LRBA: variants seen among roughly 807,000 people sequenced by gnomAD.
The protein encoded by LRBA is lipopolysaccharide-responsive and beige-like anchor protein.
Under a neutral mutation model 330.0 loss-of-function variants are expected in LRBA, and 176 were observed. The observed-to-expected ratio is 0.53, with a 90% CI of 0.47 to 0.60. LRBA has a LOEUF of 0.60. Among genes scored for constraint, LRBA ranks in the 20% least tolerant of loss-of-function variants. The pLI, the probability that LRBA is intolerant of heterozygous loss-of-function variation, is 0.00. For missense variants in LRBA, 3,259 were observed against 3,444.8 expected, an observed-to-expected ratio of 0.95 and a Z score of 1.35; for synonymous variants, 1,230 against 1,193.0, an observed-to-expected ratio of 1.03 and a Z score of -0.64.
At chr4:150,709,451 A>G (rs1296486867) in intron 36 of LRBA, among the ~76,000 whole-genome samples, 1 of 151,934 alleles carries the variant, frequency 6.6e-6, no homozygotes, top group Non-Finnish European at 1.5e-5. Context: ...GCTATTATTA[A>G]CCTATAACTC....
At chr4:150,854,018 A>G (rs961426058) in intron 22 of LRBA, among the ~76,000 whole-genome samples, 7 of 152,150 alleles carry the variant, frequency 4.6e-5, no homozygotes, top group Non-Finnish European at 8.8e-5. Flanking sequence ...ACAAAAATCA[A>G]TAGGCCTTAT....
At chr4:150,273,250 C>T (rs2126720287) in intron 56 of LRBA, among the ~76,000 whole-genome samples, 1 of 152,264 alleles carries the variant, frequency 6.6e-6, no homozygotes, top group South Asian at 2.1e-4. Flanking sequence ...CCTTTACAGA[C>T]AAGCAAGTGT....
At chr4:150,603,714 G>A (rs1183208838) in intron 37 of LRBA, among the ~76,000 whole-genome samples, 2 of 152,028 alleles carry the variant, frequency 1.3e-5, no homozygotes, top group African/African-American at 4.8e-5. Context: ...TGCCCAGGCT[G>A]GTTTCGAACT....
chr4:150,496,626 A>G (rs28373637), intron 40 of LRBA, among the ~76,000 whole-genome samples: 9,970 of 152,160 alleles, frequency 0.066, 531 homozygotes, highest in East Asian at 0.18. Context: ...AACATCAATA[A>G]AAGGTATTTT....
chr4:150,539,300 GA>G (rs1342911473), intron 40 of LRBA, among the ~76,000 whole-genome samples: 1 of 152,102 alleles, frequency 6.6e-6, no homozygotes, highest in African/African-American at 2.4e-5. Flanking sequence ...GCTGTACCAT[GA>G]ACTGGGTAAG....
At chr4:150,904,691 CTGAGGGTCATGGAAGAAAA>C (rs1731126118) in intron 13 of LRBA, among the ~76,000 whole-genome samples, 1 of 151,862 alleles carries the variant, frequency 6.6e-6, no homozygotes, top group Non-Finnish European at 1.5e-5. Context: ...AGAAGTAAGA[CTGAGGGTCATGGAAGAAAA>C]TGAGGTCAAA....
At chr4:150,670,643 C>G (rs1383670411) in intron 37 of LRBA, among the ~76,000 whole-genome samples, 1 of 152,174 alleles carries the variant, frequency 6.6e-6, no homozygotes, top group African/African-American at 2.4e-5. Flanking sequence ...TCTCAGGAGA[C>G]AGGGCTAGGT....
At chr4:150,502,357 A>T (rs892248561) in intron 40 of LRBA, among the ~76,000 whole-genome samples, 1 of 152,184 alleles carries the variant, frequency 6.6e-6, no homozygotes, top group African/African-American at 2.4e-5. Context: ...AACTATTTCT[A>T]AGTAACTTAA....
chr4:150,744,584 A>G (rs1300901213), intron 35 of LRBA, among the ~76,000 whole-genome samples: 1 of 152,228 alleles, frequency 6.6e-6, no homozygotes, highest in East Asian at 1.9e-4. Context: ...CTGCCTTTTA[A>G]AAACACTGTC....
chr4:150,281,209 A>C (rs1360677156), intron 55 of LRBA, among the ~76,000 whole-genome samples: 1 of 152,194 alleles, frequency 6.6e-6, no homozygotes, highest in Non-Finnish European at 1.5e-5. Flanking sequence ...CCACATTATT[A>C]TTGTAAAGAA....
chr4:150,783,089 T>C (rs1311073749), intron 34 of LRBA, among the ~76,000 whole-genome samples: 5 of 152,196 alleles, frequency 3.3e-5, no homozygotes, highest in Non-Finnish European at 7.3e-5. Context: ...GAGCTTCTTG[T>C]GACAAGCTGA....
chr4:150,721,420 C>A, intron 36 of LRBA: 1 of 305,306 alleles, frequency 3.3e-6, no homozygotes, highest in South Asian at 3.8e-5. Context: ...ATAACATATT[C>A]AGCAATGCAG....
intron 28 of LRBA, among the ~76,000 whole-genome samples, chr4:150,836,375 G>A (rs1417943197): frequency 5.9e-5 from 9 of 152,166 alleles, no homozygotes; most frequent in African/African-American, 2.2e-4. Context: ...CAGAAGGAAT[G>A]GTACCAGCTC....
chr4:150,293,344 A>G (rs191727539), intron 53 of LRBA, among the ~76,000 whole-genome samples: 1 of 152,344 alleles, frequency 6.6e-6, no homozygotes, highest in East Asian at 1.9e-4. Flanking sequence ...TTAACTTCCT[A>G]GTTTTACAAT....
intron 56 of LRBA, among the ~76,000 whole-genome samples, chr4:150,269,543 GA>G (rs1288774106): frequency 6.6e-6 from 1 of 152,128 alleles, no homozygotes; most frequent in African/African-American, 2.4e-5. Flanking sequence ...AAACATATGG[GA>G]AAACCTTCAT....
At chr4:150,986,671 T>C (rs907066595) in intron 2 of LRBA, among the ~76,000 whole-genome samples, 3 of 152,122 alleles carry the variant, frequency 2.0e-5, no homozygotes, top group Non-Finnish European at 1.5e-5. Flanking sequence ...CCATAAAGGG[T>C]AGCAAACGTA....
chr4:150,844,766 T>A lies in LRBA; in HGVS notation c.4353A>T (p.Ala1451=). The change falls in exon 27 of 57, where the codon GCA becomes GCT. Residue 1451 remains alanine, a synonymous_variant. Coordinates refer to ENST00000651943, the MANE Select transcript of LRBA (RefSeq NM_001364905.1). The stretch of plus-strand genomic sequence containing the variant: ...GTTGACACTCCAAGCAATTCCTTAC[T>A]GCGACTGCACAAACTGTAATTTATT... ...RQCLRLVCAV[A]VRNCLECQQH... 6.2e-7 allele frequency: 1 copy of A among 1,612,584 alleles called. No individual in the cohort carries two copies. The highest frequency in any genetic ancestry group is 8.5e-7 in the Non-Finnish European group (1 of 1,179,102).
chr4:150,711,351 C>T (rs1036888991), intron 36 of LRBA, among the ~76,000 whole-genome samples: 4 of 151,862 alleles, frequency 2.6e-5, no homozygotes, highest in Non-Finnish European at 4.4e-5. Context: ...TTCTCCTGCC[C>T]CAGCATCTTG....
chr4:150,935,509 G>A (rs1263193264), intron 2 of LRBA, among the ~76,000 whole-genome samples: 1 of 151,954 alleles, frequency 6.6e-6, no homozygotes, highest in Non-Finnish European at 1.5e-5. Flanking sequence ...TTCTGGATGG[G>A]AATATTAAAT....
Sources: gnomAD v4.1 joint callset for allele counts (sites outside exome capture counted in the v4.1 genomes callset) on GRCh38, gnomAD v4.1.1 for gene constraint, MANE v1.5 for transcripts, NCBI Gene and HGNC (gene_info 2026-07-23, HGNC 2026-07-21) for gene names.